Variants in CDK13 observed in about 807,000 individuals in gnomAD.
The protein encoded by CDK13 is cyclin-dependent kinase 13.
A neutral mutation model predicts 137.6 loss-of-function variants in CDK13; 40 were observed. The ratio of observed to expected loss-of-function variants is 0.29; its 90% confidence interval spans 0.23 to 0.38. The LOEUF is 0.38. Ranked by LOEUF, CDK13 falls within the 10% of genes least tolerant of loss-of-function variation. The pLI is 1.00. For missense variants in CDK13, 1,704 were observed against 1,951.8 expected (o/e 0.87, Z 2.39); for synonymous variants, 869 against 760.1 (o/e 1.14, Z -2.36).
chr7:39,968,687 C>G (rs1013312234), intron 1 of CDK13, among the ~76,000 whole-genome samples: 5 of 152,216 alleles, frequency 3.3e-5, no homozygotes, highest in Admixed American at 2.0e-4. Flanking sequence ...CAGTACCATA[C>G]TCTTTGGATT....
chr7:40,003,186 ACACACACACACACACACACACT>A lies in CDK13; in HGVS notation c.2353+1157_2353+1178del, dbSNP rs1388268862. The stretch of plus-strand genomic sequence containing the variant: ...CACACACACACACACACACACACAC[ACACACACACACACACACACACT>A]CTCTCTCTCTCTCTCTCTTACTCTG... On this transcript the variant is annotated intron_variant, in intron 5 of 13. Coordinates refer to ENST00000181839, the MANE Select transcript of CDK13 (RefSeq NM_003718.5). Among the ~76,000 whole-genome samples, 57 of 97,044 alleles carry A rather than the reference ACACACACACACACACACACACT, an allele frequency of 5.9e-4. 1 individual carries two copies. The South Asian group carries it at 0.018, about 30-fold the overall frequency. The allele number at this position is 97,044 out of a possible 152,430, so 63.7% of individuals were successfully genotyped here. A position where few individuals can be genotyped will look rare whatever the true frequency, so the allele number is the denominator to read the frequency against.
chr7:40,088,252 T>A lies in CDK13; in HGVS notation c.3156T>A (p.Asp1052Glu). The A allele has an allele frequency of 1.2e-6, 2 of 1,614,126 alleles. No homozygotes were observed. Among genetic ancestry groups the A allele is most frequent in the South Asian group, 2.2e-5 (2 of 91,078 alleles). ...GGAAGGACTTGTCTCTGGGCTTGGA[T>A]GACAGCAGAACCAACACACCCCAGG... is the stretch of plus-strand genomic sequence containing the variant. Reference protein sequence around the residue: ...APRKDLSLGLDDSRTNTPQGV... With the variant: ...APRKDLSLGLEDSRTNTPQGV... Residue 1052 changes from aspartate (D) to glutamate (E), a missense_variant, in exon 12 of 14, where the codon GAT becomes GAA. This residue lies in a region of CDK13 where 475 missense variants were observed against 579.3 expected (regional missense o/e 0.82). Transcript: ENST00000181839.
intron 5 of CDK13, among the ~76,000 whole-genome samples, chr7:40,014,058 CTTTTTTTTTTTT>C (rs927741062): frequency 9.8e-5 from 6 of 60,946 alleles, no homozygotes; most frequent in East Asian, 5.2e-4. Flanking sequence ...GCTGTCTTGT[CTTTTTTTTTTTT>C]TTTTTTTTTT....
At chr7:40,044,284 A>T (rs1480618610) in intron 5 of CDK13, among the ~76,000 whole-genome samples, 1 of 150,314 alleles carries the variant, frequency 6.7e-6, no homozygotes, top group Non-Finnish European at 1.5e-5. Flanking sequence ...TTTATTTTCT[A>T]GTGAATTGTT....
chr7:40,067,005 A>G (rs1303686111), intron 9 of CDK13: 1 of 152,020 alleles, frequency 6.6e-6, no homozygotes, highest in Non-Finnish European at 1.5e-5. Flanking sequence ...TGTATTGGAA[A>G]CTAGGGCTTC....
At chr7:40,073,494 C>A (rs1239878078) in intron 9 of CDK13, 1 of 152,062 alleles carries the variant, frequency 6.6e-6, no homozygotes, top group Admixed American at 6.6e-5. Flanking sequence ...GACAGTGAGA[C>A]CTTGTCTCAA....
intron 11 of CDK13, among the ~76,000 whole-genome samples, chr7:40,085,392 T>C (rs895968860): frequency 1.3e-5 from 2 of 148,806 alleles, no homozygotes; most frequent in African/African-American, 5.0e-5. Flanking sequence ...GGAAAGAAAA[T>C]AATCTCTTAC....
Position 39,951,457 on chromosome 7 carries a change from G to T in CDK13, c.816G>T (p.Lys272Asn). 1 of 1,538,170 alleles carries T rather than the reference G, an allele frequency of 6.5e-7. No homozygotes were observed. Among genetic ancestry groups the T allele is most frequent in the Non-Finnish European group, 8.7e-7 (1 of 1,143,144 alleles). ...CATCCAGCAGCAGTAGCAGCCGCAA[G>T]GACCGGGACTCGAAGGCCCACCGCA... is the stretch of plus-strand genomic sequence containing the variant. ...SATSSSSSSR[K>N]DRDSKAHRSR... is the part of the protein sequence containing the mutation. The change falls in exon 1 of 14, where the codon AAG becomes AAT. Residue 272 changes from lysine to asparagine, a missense_variant. Lys to Asn is a moderately conservative substitution (Grantham distance 94). Coordinates refer to ENST00000181839, the MANE Select transcript of CDK13 (RefSeq NM_003718.5).
chr7:39,959,986 G>A (rs1219443597), intron 1 of CDK13, among the ~76,000 whole-genome samples: 1 of 151,548 alleles, frequency 6.6e-6, no homozygotes, highest in African/African-American at 2.4e-5. Context: ...TTAAGTGGTA[G>A]TAGTTTCTCC....
At chr7:40,052,511 C>A (rs1449322846) in intron 7 of CDK13, among the ~76,000 whole-genome samples, 1 of 152,002 alleles carries the variant, frequency 6.6e-6, no homozygotes, top group African/African-American at 2.4e-5. Context: ...TTACTATGAT[C>A]AAAATGAAAG....
intron 1 of CDK13, among the ~76,000 whole-genome samples, chr7:39,957,090 C>CATGT (rs956436477): frequency 7.1e-6 from 1 of 140,934 alleles, no homozygotes; most frequent in African/African-American, 2.7e-5. Flanking sequence ...ATCCCACTGT[C>CATGT]GTGTGTGTGT....
chr7:40,022,591 T>G (rs1231276091), intron 5 of CDK13, among the ~76,000 whole-genome samples: 7 of 152,182 alleles, frequency 4.6e-5, no homozygotes, highest in Middle Eastern at 6.8e-3. Flanking sequence ...AGACCCTATG[T>G]TGTGTCATAA....
At chr7:40,048,780 A>G (rs1290811832) in intron 7 of CDK13, 1 of 151,488 alleles carries the variant, frequency 6.6e-6, no homozygotes, top group African/African-American at 2.4e-5. Flanking sequence ...AAAAAGTCTT[A>G]TTTTGTTAAA....
chr7:39,967,471 A>T (rs904321457), intron 1 of CDK13, among the ~76,000 whole-genome samples: 2 of 140,624 alleles, frequency 1.4e-5, no homozygotes, highest in African/African-American at 5.5e-5. Context: ...GAACCACATT[A>T]AAAAAAAAAA....
Position 40,063,111 on chromosome 7 carries a change from G to A in CDK13, c.2780+11G>A. 1.3e-6 allele frequency: 2 copies of A among 1,584,684 alleles called. No individual in the cohort carries two copies. The highest frequency in any genetic ancestry group is 1.7e-6 in the Non-Finnish European group (2 of 1,153,230). ...ACTAGAATTAATAAGGTAAGCTGCTGATTATAATATTGGTGGGAATTGGGA... is the reference window on the plus strand; with the variant it reads ...ACTAGAATTAATAAGGTAAGCTGCTAATTATAATATTGGTGGGAATTGGGA... On this transcript the variant is annotated intron_variant, in intron 9 of 13. Transcript: ENST00000181839.
intron 1 of CDK13, among the ~76,000 whole-genome samples, chr7:39,958,428 A>G (rs566525595): frequency 1.3e-5 from 2 of 152,328 alleles, no homozygotes; most frequent in East Asian, 1.9e-4. Context: ...ATAGAAAAGT[A>G]TAAGAGATTA....
At chr7:40,061,544 A>G (rs1003953632) in intron 7 of CDK13, 1 of 152,198 alleles carries the variant, frequency 6.6e-6, no homozygotes, top group African/African-American at 2.4e-5. Context: ...TTCCTTAACA[A>G]GACTGGTCCA....
At chr7:40,055,395 C>G (rs1432468850) in intron 7 of CDK13, among the ~76,000 whole-genome samples, 1 of 151,960 alleles carries the variant, frequency 6.6e-6, no homozygotes, top group African/African-American at 2.4e-5. Flanking sequence ...TGGGTATAGA[C>G]ACACCACAAG....
intron 2 of CDK13, among the ~76,000 whole-genome samples, chr7:39,989,938 A>G (rs900920572): frequency 1.6e-4 from 8 of 50,116 alleles, no homozygotes; most frequent in Admixed American, 2.9e-4. Flanking sequence ...GCCCGCCACC[A>G]AGCCCGGCTA....
Sources: allele counts gnomAD v4.1 joint callset (sites outside exome capture counted in the v4.1 genomes callset), GRCh38; gene constraint gnomAD v4.1.1; regional missense constraint gnomAD v4.1.1; transcripts MANE v1.5; gene names NCBI Gene and HGNC (gene_info 2026-07-23, HGNC 2026-07-21).